NAV3: variants seen among roughly 807,000 people sequenced by gnomAD.
NAV3 encodes neuron navigator 3.
Under a neutral mutation model 244.7 loss-of-function variants are expected in NAV3, and 87 were observed. That is an observed-to-expected ratio of 0.36 (90% CI 0.30 to 0.42). The LOEUF (loss-of-function observed/expected upper bound fraction) is 0.42, where lower values mean the gene tolerates loss of function less well. Among genes scored for constraint, NAV3 ranks in the 20% least tolerant of loss-of-function variants. NAV3 has a pLI of 1.00. For synonymous variants in NAV3, 1,126 were observed against 1,042.2 expected (o/e 1.08, Z -1.55); for missense variants, 2,663 against 2,893.3 (o/e 0.92, Z 1.83).
intron 22 of NAV3, among the ~76,000 whole-genome samples, chr12:78,158,109 A>T (rs1957383261): frequency 6.6e-6 from 1 of 152,252 alleles, no homozygotes; most frequent in African/African-American, 2.4e-5. Context: ...GTGCCTCAGC[A>T]TTTCCACTCT....
intron 2 of NAV3, among the ~76,000 whole-genome samples, chr12:77,609,931 CATATCCCCACTTCTGTGGGCCAATG>C (rs1299434483): frequency 6.6e-5 from 10 of 151,968 alleles, no homozygotes; most frequent in Non-Finnish European, 1.2e-4. Flanking sequence ...CATACAATAT[CATATCCCCACTTCTGTGGGCCAATG>C]ATTAGTACAA....
Position 77,831,634 on chromosome 12 carries a change from T to TA in NAV3, c.177dup (p.Ser60IlefsTer4), listed in dbSNP as rs1247187931. Reference sequence around the variant, plus strand: ...TCCATGCTTTCTTGTCAGCTTGCGTTAAAATCAACCTGTGAATTTGGAGAG... The same window carrying TA: ...TCCATGCTTTCTTGTCAGCTTGCGTTAAAAATCAACCTGTGAATTTGGAGAG... On this transcript the variant is annotated frameshift_variant, in exon 1 of 40. Transcript: ENST00000397909. LOFTEE classifies it high-confidence loss of function. The TA allele has an allele frequency of 6.2e-7, 1 of 1,614,048 alleles. No homozygotes were observed. Among genetic ancestry groups the TA allele is most frequent in the South Asian group, 1.1e-5 (1 of 91,070 alleles).
chr12:78,129,949 T>C (rs1956090432), intron 18 of NAV3, among the ~76,000 whole-genome samples: 1 of 152,216 alleles, frequency 6.6e-6, no homozygotes, highest in Non-Finnish European at 1.5e-5. Context: ...CAAAACCTTA[T>C]ATTTTCTAAA....
chr12:78,097,598 A>C (rs11108308), intron 12 of NAV3, among the ~76,000 whole-genome samples: 3,217 of 152,300 alleles, frequency 0.021, 139 homozygotes, highest in Admixed American at 0.11. Context: ...TTTTTATTAT[A>C]ATACATTTTG....
At chr12:77,991,644 G>A (rs567352978) in intron 5 of NAV3, among the ~76,000 whole-genome samples, 5 of 152,186 alleles carry the variant, frequency 3.3e-5, no homozygotes, top group African/African-American at 1.2e-4. Flanking sequence ...CATGAGTAAA[G>A]GCACAGAAAA....
intron 2 of NAV3, among the ~76,000 whole-genome samples, chr12:77,615,401 A>G (rs1042865672): frequency 3.9e-5 from 6 of 152,040 alleles, no homozygotes; most frequent in African/African-American, 7.2e-5. Context: ...TACAGTGTCT[A>G]TTGTTCCCAT....
At chr12:77,767,751 G>A (rs1244048868) in intron 2 of NAV3, among the ~76,000 whole-genome samples, 3 of 152,230 alleles carry the variant, frequency 2.0e-5, no homozygotes, top group African/African-American at 7.2e-5. Flanking sequence ...GAGCCCCAAA[G>A]AGGGGGTCAT....
chr12:78,012,811 G>T (rs1731760), intron 8 of NAV3, among the ~76,000 whole-genome samples: 68,801 of 151,788 alleles, frequency 0.45, 16,913 homozygotes, highest in East Asian at 0.66. Context: ...TTCTTTTCTT[G>T]TTTACTTATT....
intron 28 of NAV3, among the ~76,000 whole-genome samples, 186 bp downstream of exon 28, chr12:78,177,871 G>C (rs1363352264): frequency 1.3e-5 from 2 of 151,772 alleles, no homozygotes; most frequent in Admixed American, 6.6e-5. Flanking sequence ...GATTCTATTA[G>C]TTAATCTAAC....
chr12:78,191,089 T>C (rs915348891), intron 34 of NAV3, among the ~76,000 whole-genome samples: 26 of 152,134 alleles, frequency 1.7e-4, no homozygotes, highest in African/African-American at 6.0e-4. Flanking sequence ...TGATCTAAAC[T>C]GTCCCAGTTT....
At chr12:77,964,801 A>AT (rs35181604) in intron 3 of NAV3, among the ~76,000 whole-genome samples, 17,719 of 151,550 alleles carry the variant, frequency 0.12, 1,184 homozygotes, top group Non-Finnish European at 0.15. Flanking sequence ...ATTAATATAA[A>AT]TTTTTTTTTC....
chr12:77,877,050 T>G (rs1881941536), intron 1 of NAV3, among the ~76,000 whole-genome samples: 1 of 152,100 alleles, frequency 6.6e-6, no homozygotes, highest in Non-Finnish European at 1.5e-5. Flanking sequence ...CCCTTAAAGC[T>G]ATGCAGAAAA....
chr12:77,716,197 G>A (rs1399988049), intron 2 of NAV3, among the ~76,000 whole-genome samples: 2 of 151,656 alleles, frequency 1.3e-5, no homozygotes, highest in African/African-American at 4.8e-5. Context: ...TAAATTAAAT[G>A]TCATGATATC....
At chr12:77,914,632 C>T (rs1478660193) in intron 1 of NAV3, among the ~76,000 whole-genome samples, 1 of 151,906 alleles carries the variant, frequency 6.6e-6, no homozygotes, top group African/African-American at 2.4e-5. Context: ...CTTTTTCACC[C>T]CCTTTCATGA....
At chr12:78,206,295 G>T (rs902268350) in intron 39 of NAV3, among the ~76,000 whole-genome samples, 1 of 152,006 alleles carries the variant, frequency 6.6e-6, no homozygotes, top group African/African-American at 2.4e-5. Flanking sequence ...TTCATAGTTA[G>T]GAATCAACAG....
At chr12:77,828,008 C>A (rs893809313), upstream of NAV3, among the ~76,000 whole-genome samples, 1 of 152,132 alleles carries the variant, frequency 6.6e-6, no homozygotes, top group Non-Finnish European at 1.5e-5. Context: ...ACTCTCAGAC[C>A]TTTCCCTCTC....
chr12:78,009,484 G>A (rs61936183), intron 8 of NAV3, among the ~76,000 whole-genome samples: 3 of 148,876 alleles, frequency 2.0e-5, no homozygotes, highest in Non-Finnish European at 3.0e-5. Flanking sequence ...GAAAAAAAGG[G>A]CGATAGAATA....
chr12:77,887,309 T>G (rs1883409468), intron 1 of NAV3, among the ~76,000 whole-genome samples: 1 of 152,130 alleles, frequency 6.6e-6, no homozygotes, highest in Non-Finnish European at 1.5e-5. Flanking sequence ...TACACAACTA[T>G]ATAGGGTTGA....
intron 2 of NAV3, among the ~76,000 whole-genome samples, chr12:77,745,031 G>T (rs1307569283): frequency 6.6e-6 from 1 of 151,842 alleles, no homozygotes; most frequent in Non-Finnish European, 1.5e-5. Flanking sequence ...TTATCTGTGT[G>T]TCTCATTTTG....
Sources: gnomAD v4.1 joint callset for allele counts (sites outside exome capture counted in the v4.1 genomes callset) on GRCh38, gnomAD v4.1.1 for gene constraint, MANE v1.5 for transcripts, NCBI Gene and HGNC (gene_info 2026-07-23, HGNC 2026-07-21) for gene names.